PATJ: variants seen among roughly 807,000 people sequenced by gnomAD.
The protein encoded by PATJ is inaD-like protein.
PATJ carries 190 observed loss-of-function variants against 224.9 expected under a neutral mutation model. That is an observed-to-expected ratio of 0.84 (90% confidence interval 0.75 to 0.95). The LOEUF (loss-of-function observed/expected upper bound fraction) is 0.95. PATJ is among the 40% of genes least tolerant of loss of function. PATJ has a pLI of 0.00. For missense variants in PATJ, 2,121 were observed against 2,270.3 expected (o/e 0.93, Z 1.34); for synonymous variants, 769 against 820.3 (o/e 0.94, Z 1.07).
At chr1:61,827,622 C>A in intron 16 of PATJ, 39 bp downstream of exon 16, 1 of 1,580,628 alleles carries the variant, frequency 6.3e-7, no homozygotes, top group Non-Finnish European at 8.6e-7. Flanking sequence ...TAGGCATGCC[C>A]ATTCATCAAA....
At chr1:62,019,172 G>A (rs1342411324) in intron 29 of PATJ, among the ~76,000 whole-genome samples, 2 of 151,152 alleles carry the variant, frequency 1.3e-5, no homozygotes, top group Non-Finnish European at 1.5e-5. Context: ...TTGAACCCAG[G>A]AGGCAGAGGC....
chr1:61,998,949 T>A (rs1645579187), intron 28 of PATJ, among the ~76,000 whole-genome samples: 2 of 152,236 alleles, frequency 1.3e-5, no homozygotes, highest in African/African-American at 4.8e-5. Context: ...GTTTATTTTT[T>A]ATTACTGCAG....
intron 26 of PATJ, among the ~76,000 whole-genome samples, chr1:61,926,664 A>G (rs941008558): frequency 2.0e-5 from 3 of 152,030 alleles, no homozygotes; most frequent in East Asian, 1.9e-4. Context: ...TCACTGTTGC[A>G]TTTTATAGAT....
intron 32 of PATJ, among the ~76,000 whole-genome samples, chr1:62,082,699 G>A (rs1659432261): frequency 6.6e-6 from 1 of 152,104 alleles, no homozygotes. Flanking sequence ...TGAATTAGTG[G>A]GTTTGTGTTC....
intron 21 of PATJ, among the ~76,000 whole-genome samples, chr1:61,876,673 A>C (rs1445423283): frequency 6.6e-6 from 1 of 152,168 alleles, no homozygotes; most frequent in African/African-American, 2.4e-5. Context: ...GGCCACATGT[A>C]TACTGTATAA....
chr1:62,043,498 G>A (rs1289535894), intron 30 of PATJ, among the ~76,000 whole-genome samples: 1 of 152,084 alleles, frequency 6.6e-6, no homozygotes, highest in Non-Finnish European at 1.5e-5. Flanking sequence ...ATTAAGTAAT[G>A]TTTATAAAAG....
At chr1:61,958,341 C>T (rs1680725005) in intron 27 of PATJ, among the ~76,000 whole-genome samples, 1 of 152,050 alleles carries the variant, frequency 6.6e-6, no homozygotes, top group Non-Finnish European at 1.5e-5. Context: ...CAAATATTAC[C>T]TTAACTTTTT....
chr1:62,027,676 T>C (rs1461966229), intron 29 of PATJ, among the ~76,000 whole-genome samples: 1 of 144,818 alleles, frequency 6.9e-6, no homozygotes, highest in Non-Finnish European at 1.5e-5. Flanking sequence ...CTAATGAGTG[T>C]AAGGTGGTAT....
intron 35 of PATJ, chr1:62,114,984 T>C (rs1664296054): frequency 6.6e-6 from 1 of 151,704 alleles, no homozygotes; most frequent in African/African-American, 2.4e-5. Flanking sequence ...TGTAGGTAGG[T>C]AGATCCTAGT....
chr1:61,927,432 C>G (rs1393003468), intron 26 of PATJ, among the ~76,000 whole-genome samples: 3 of 152,084 alleles, frequency 2.0e-5, no homozygotes, highest in Non-Finnish European at 2.9e-5. Flanking sequence ...ATAGAAGATA[C>G]AAATAACTGA....
intron 24 of PATJ, among the ~76,000 whole-genome samples, chr1:61,908,150 G>T (rs1672112634): frequency 6.6e-6 from 1 of 152,096 alleles, no homozygotes; most frequent in Non-Finnish European, 1.5e-5. Context: ...TTTTATTAAT[G>T]TATTTTTCTT....
At chr1:61,950,950 C>T (rs1308828543) in intron 27 of PATJ, among the ~76,000 whole-genome samples, 1 of 152,078 alleles carries the variant, frequency 6.6e-6, no homozygotes, top group Admixed American at 6.5e-5. Context: ...AGTTCAAGAC[C>T]AGCCTGGTCA....
intron 18 of PATJ, among the ~76,000 whole-genome samples, chr1:61,856,869 G>T (rs1275091465): frequency 6.6e-6 from 1 of 151,956 alleles, no homozygotes; most frequent in Non-Finnish European, 1.5e-5. Flanking sequence ...CTTTTTTAGG[G>T]GTGTGAGCCA....
chr1:61,914,737 A>G (rs369581114), intron 26 of PATJ, 73 bp downstream of exon 26: 428 of 903,188 alleles, frequency 4.7e-4, no homozygotes, highest in African/African-American at 1.1e-3. Flanking sequence ...TATCTGGGCT[A>G]TAATAGAAGT....
chr1:61,776,017 AT>A, intron 7 of PATJ, among the ~76,000 whole-genome samples: 2 of 152,364 alleles, frequency 1.3e-5, no homozygotes, highest in Admixed American at 1.3e-4. Context: ...TTCACTGATT[AT>A]TGCCCAGTTA....
intron 26 of PATJ, among the ~76,000 whole-genome samples, chr1:61,919,047 A>G (rs532589326): frequency 6.6e-6 from 1 of 152,276 alleles, no homozygotes; most frequent in South Asian, 2.1e-4. Flanking sequence ...TATTTGCTAT[A>G]TCTTTTTCTT....
intron 27 of PATJ, among the ~76,000 whole-genome samples, chr1:61,933,966 T>C (rs1676430864): frequency 6.6e-6 from 1 of 152,112 alleles, no homozygotes; most frequent in Admixed American, 6.6e-5. Flanking sequence ...GATGGAGTCT[T>C]GCTCTGTCGC....
At chr1:61,911,695 T>TTTTATATA (rs770166083) in intron 25 of PATJ, among the ~76,000 whole-genome samples, 5 of 140,616 alleles carry the variant, frequency 3.6e-5, no homozygotes, top group African/African-American at 1.0e-4. Flanking sequence ...CTATATATTT[T>TTTTATATA]TATATATATA....
intron 33 of PATJ, among the ~76,000 whole-genome samples, chr1:62,088,263 A>T (rs1335637164): frequency 6.6e-6 from 1 of 152,172 alleles, no homozygotes; most frequent in African/African-American, 2.4e-5. Flanking sequence ...CCAGCCACCC[A>T]GCTAGCTCCC....
Sources: allele counts gnomAD v4.1 joint callset (sites outside exome capture counted in the v4.1 genomes callset), GRCh38; gene constraint gnomAD v4.1.1; transcripts MANE v1.5; gene names NCBI Gene and HGNC (gene_info 2026-07-23, HGNC 2026-07-21).